Variants in LGALS9 observed in about 807,000 individuals in gnomAD.
The protein encoded by LGALS9 is galectin 9.
In LGALS9, 26 loss-of-function variants were observed where a neutral mutation model predicts 35.9. That is an observed-to-expected ratio of 0.72 (90% CI 0.53 to 1.01). The LOEUF (loss-of-function observed/expected upper bound fraction) is 1.01. Ranked by LOEUF, LGALS9 falls within the 50% of genes least tolerant of loss-of-function variation. The probability of loss-of-function intolerance (pLI) is 0.00; values close to 1 mark genes in which losing one functional copy is unlikely to be tolerated. For synonymous variants in LGALS9, 149 were observed against 172.2 expected (o/e 0.87, Z 1.06); for missense variants, 347 against 445.8 (o/e 0.78, Z 1.99).
chr17:27,646,966 C>A, intron 8 of LGALS9, 64 bp from the exon 9 acceptor site: 1 of 1,608,548 alleles, frequency 6.2e-7, no homozygotes, highest in Admixed American at 1.7e-5. Flanking sequence ...AGCCCAAATT[C>A]ATGGGAACTG....
chr17:27,635,222 G>A (rs1037305208), intron 1 of LGALS9, among the ~76,000 whole-genome samples: 11 of 152,088 alleles, frequency 7.2e-5, no homozygotes, highest in African/African-American at 1.7e-4. Flanking sequence ...AGGCCGAGCC[G>A]GAAGGATCAC....
At position 27,647,039 on chromosome 17, in the gene LGALS9, T is replaced by A. The variant is rs770348865; in HGVS notation, c.679T>A (p.Phe227Ile). 1.2e-6 allele frequency: 2 copies of A among 1,613,910 alleles called. No individual in the cohort carries two copies. The highest frequency in any genetic ancestry group is 1.7e-6 in the Non-Finnish European group (2 of 1,179,918). ...CCCCTTCTTCCGACAGCCGATGCCT[T>A]TCATCACCACCATTCTGGGAGGGCT... Reference protein sequence around the residue: ...MYPHPAYPMPFITTILGGLYP... With the variant: ...MYPHPAYPMPIITTILGGLYP... Residue 227 changes from phenylalanine to isoleucine, a missense_variant, in exon 9 of 11, where the codon TTC (phenylalanine) becomes ATC (isoleucine). Physicochemically the swap from Phe to Ile is conservative, Grantham distance 21. Transcript: ENST00000395473.
rs769325445 is a variant in LGALS9, at chr17:27,647,346, C to T, written c.835C>T (p.Arg279Cys). 66 of 1,614,048 alleles carry T rather than the reference C, an allele frequency of 4.1e-5. 1 individual carries two copies. The highest frequency in any genetic ancestry group is 1.6e-4 in the African/African-American group (12 of 74,906). Reference protein sequence around the residue: ...NPRFDENAVVRNTQIDNSWGS... With the variant: ...NPRFDENAVVCNTQIDNSWGS... ...CCGTTTTGATGAGAATGCTGTGGTC[C>T]GCAACACCCAGATCGACAACTCCTG... Residue 279 changes from arginine to cysteine, a missense_variant, in exon 10 of 11, where the codon CGC (arginine) becomes TGC (cysteine). Transcript: ENST00000395473.
chr17:27,647,124 C>T lies in LGALS9; in HGVS notation c.758+6C>T, dbSNP rs1405259812. ...GTCCTGCCCAGTGCTCAGAGGTAAG[C>T]CAAGGGCTCCAGTGACCTCTGGGAA... On this transcript the variant is annotated splice_donor_region_variant and intron_variant, in intron 9 of 10. Coordinates refer to ENST00000395473, the MANE Select transcript of LGALS9 (RefSeq NM_009587.3). 6.8e-6 allele frequency: 11 copies of T among 1,614,202 alleles called. No homozygotes were observed. The highest frequency in any genetic ancestry group is 9.3e-6 in the Non-Finnish European group (11 of 1,180,028).
At chr17:27,645,506 A>G in intron 6 of LGALS9, 157 bp downstream of exon 6, 1 of 1,226,230 alleles carries the variant, frequency 8.2e-7, no homozygotes, top group South Asian at 1.5e-5. Flanking sequence ...TGGGGGTTGG[A>G]TGTGGGGGTT....
At chr17:27,641,251 C>T (rs1904479124) in intron 3 of LGALS9, among the ~76,000 whole-genome samples, 1 of 152,128 alleles carries the variant, frequency 6.6e-6, no homozygotes, top group Non-Finnish European at 1.5e-5. Flanking sequence ...GTATGCTTAT[C>T]TGAGATAAGG....
chr17:27,647,965 A>G (rs1905067461), intron 10 of LGALS9, among the ~76,000 whole-genome samples: 1 of 152,264 alleles, frequency 6.6e-6, no homozygotes, highest in Admixed American at 6.5e-5. Flanking sequence ...GCTAGGGCCA[A>G]CGTGCAGAGG....
At chr17:27,640,926 C>T (rs1904446592) in intron 3 of LGALS9, 153 bp downstream of exon 3, 6 of 1,207,784 alleles carry the variant, frequency 5.0e-6, no homozygotes, top group African/African-American at 1.5e-5. Flanking sequence ...TTACCCATGG[C>T]TGCCTAGTCT....
At chr17:27,640,805 C>T in intron 3 of LGALS9, 32 bp downstream of exon 3, 1 of 1,612,254 alleles carries the variant, frequency 6.2e-7, no homozygotes, top group Non-Finnish European at 8.5e-7. Flanking sequence ...ACCTCTCACC[C>T]CTGGGACCCC....
chr17:27,647,301 A>G lies in LGALS9; in HGVS notation c.790A>G (p.Ile264Val), dbSNP rs138083818. 1.6e-4 allele frequency: 258 copies of G among 1,614,182 alleles called. 1 individual carries two copies. In the East Asian group the frequency reaches 5.7e-3, roughly 35 times the overall value. ...FHINLCSGNH[I>V]AFHLNPRFDE... The stretch of plus-strand genomic sequence containing the variant: ...CATCAACCTGTGCTCTGGGAACCAC[A>G]TCGCCTTCCACCTGAACCCCCGTTT... The change falls in exon 10 of 11, where the codon ATC (isoleucine) becomes GTC (valine). Residue 264 changes from isoleucine to valine, a missense_variant. By Grantham distance (29) the Ile-to-Val change is conservative (BLOSUM62 3). Transcript: ENST00000395473.
intron 1 of LGALS9, among the ~76,000 whole-genome samples, chr17:27,635,064 T>C (rs1193371635): frequency 2.6e-5 from 4 of 152,230 alleles, no homozygotes; most frequent in African/African-American, 9.7e-5. Flanking sequence ...GTCAGAGGAC[T>C]TTTAAGCTCT....
intron 3 of LGALS9, among the ~76,000 whole-genome samples, chr17:27,641,538 G>A (rs1303947055): frequency 6.6e-6 from 1 of 152,138 alleles, no homozygotes; most frequent in Non-Finnish European, 1.5e-5. Flanking sequence ...GGTCGGAGAG[G>A]GAGAGCATCA....
chr17:27,641,078 A>G, intron 3 of LGALS9: 1 of 581,870 alleles, frequency 1.7e-6, no homozygotes, highest in Non-Finnish European at 3.3e-6. Context: ...TGCTATAGCC[A>G]TTCCTCCTCT....
chr17:27,642,569 C>T, intron 4 of LGALS9: 2 of 1,021,180 alleles, frequency 2.0e-6, no homozygotes, highest in Admixed American at 2.9e-5. Flanking sequence ...CCTTGGTCTC[C>T]CAGACTCCTC....
intron 2 of LGALS9, among the ~76,000 whole-genome samples, chr17:27,640,017 T>G (rs1222489266): frequency 6.6e-6 from 1 of 151,380 alleles, no homozygotes; most frequent in Non-Finnish European, 1.5e-5. Flanking sequence ...ATTACAGGCG[T>G]GAGCCATCAT....
intron 2 of LGALS9, chr17:27,640,242 T>C (rs1428029073): frequency 7.6e-6 from 3 of 393,414 alleles, no homozygotes; most frequent in African/African-American, 4.1e-5. Flanking sequence ...CTCTCTCTTC[T>C]AGGTGTGCTT....
chr17:27,648,687 A>C (rs1355518618), intron 10 of LGALS9, 149 bp from the exon 11 acceptor site: 1 of 1,325,046 alleles, frequency 7.5e-7, no homozygotes, highest in African/African-American at 1.5e-5. Flanking sequence ...CTGTTTAGTG[A>C]AGAGCCGTCG....
At chr17:27,637,103 A>G (rs1598180321) in intron 1 of LGALS9, among the ~76,000 whole-genome samples, 1 of 152,128 alleles carries the variant, frequency 6.6e-6, no homozygotes, top group African/African-American at 2.4e-5. Context: ...GAAGAATGTG[A>G]AAATCAGCCA....
At chr17:27,637,764 C>T (rs561765682) in intron 1 of LGALS9, among the ~76,000 whole-genome samples, 5 of 152,292 alleles carry the variant, frequency 3.3e-5, no homozygotes, top group East Asian at 3.9e-4. Context: ...TCGGGTGAGT[C>T]GAAGGTTTAC....
Sources: gnomAD v4.1 joint callset for allele counts (sites outside exome capture counted in the v4.1 genomes callset) on GRCh38, gnomAD v4.1.1 for gene constraint, MANE v1.5 for transcripts, NCBI Gene and HGNC (gene_info 2026-07-23, HGNC 2026-07-21) for gene names.